Variants in RPSA2 observed in about 807,000 individuals in gnomAD.
RPSA2 encodes the protein small ribosomal subunit protein uS2B.
At chr19:23,779,412 C>G in the RPSA2 span, among the ~76,000 whole-genome samples, 1 of 151,994 alleles carries the variant, frequency 6.6e-6, no homozygotes, top group Non-Finnish European at 1.5e-5. Context: ...GGTGAAGATA[C>G]TGTCTTCTCC....
the RPSA2 span, among the ~76,000 whole-genome samples, chr19:23,775,407 A>T: frequency 6.6e-6 from 1 of 152,196 alleles, no homozygotes; most frequent in Non-Finnish European, 1.5e-5. Context: ...TAACTCTCAT[A>T]TCTGGGCATA....
chr19:23,766,142 C>CTTTTTTTTTTTTTTTTTTTTTT, the RPSA2 span, among the ~76,000 whole-genome samples: 50 of 43,288 alleles, frequency 1.2e-3, 25 homozygotes, highest in African/African-American at 1.1e-3. Flanking sequence ...TATTTCATTT[C>CTTTTTTTTTTTTTTTTTTTTTT]CTTTTTTTTT....
chr19:23,784,601 T>C, the RPSA2 span, among the ~76,000 whole-genome samples: 1 of 152,224 alleles, frequency 6.6e-6, no homozygotes, highest in African/African-American at 2.4e-5. Flanking sequence ...GCCTATTGTA[T>C]GAAGCCCTCA....
chr19:23,766,142 C>CTTTTTTTTTTTT, the RPSA2 span, among the ~76,000 whole-genome samples: 75 of 43,284 alleles, frequency 1.7e-3, 31 homozygotes, highest in African/African-American at 5.1e-3. Context: ...TATTTCATTT[C>CTTTTTTTTTTTT]CTTTTTTTTT....
the RPSA2 span, chr19:23,832,561 A>C: frequency 1.1e-6 from 1 of 928,826 alleles, no homozygotes; most frequent in South Asian, 1.5e-5. Context: ...ACAAATGTCA[A>C]GAATGTGGCA....
the RPSA2 span, among the ~76,000 whole-genome samples, chr19:23,824,693 C>G: frequency 6.8e-6 from 1 of 147,398 alleles, no homozygotes; most frequent in Non-Finnish European, 1.5e-5. Flanking sequence ...GCCATGGTGC[C>G]TGGTCACCAT....
At chr19:23,841,426 T>A in the RPSA2 span, among the ~76,000 whole-genome samples, 1 of 152,152 alleles carries the variant, frequency 6.6e-6, no homozygotes, top group Non-Finnish European at 1.5e-5. Flanking sequence ...ATCACGCCAC[T>A]GCACTCCAGC....
the RPSA2 span, among the ~76,000 whole-genome samples, chr19:23,769,052 G>C: frequency 6.7e-6 from 1 of 149,526 alleles, no homozygotes; most frequent in Non-Finnish European, 1.5e-5. Flanking sequence ...GCATACAGGT[G>C]ATTTGATTCT....
the RPSA2 span, among the ~76,000 whole-genome samples, chr19:23,861,739 AC>A: frequency 2.0e-5 from 3 of 152,122 alleles, no homozygotes; most frequent in Non-Finnish European, 2.9e-5. Flanking sequence ...GGAAGGTCTA[AC>A]TTTTGTGGTC....
the RPSA2 span, chr19:23,832,142 G>T: frequency 2.4e-6 from 1 of 419,358 alleles, no homozygotes. Flanking sequence ...CTTTACAGAT[G>T]TGAAGAATGT....
At chr19:23,809,663 T>G in the RPSA2 span, 1 of 152,236 alleles carries the variant, frequency 6.6e-6, no homozygotes, top group East Asian at 1.9e-4. Flanking sequence ...TTGTTTTAAG[T>G]GTATGGAACC....
the RPSA2 span, among the ~76,000 whole-genome samples, chr19:23,826,890 CA>C: frequency 9.7e-4 from 6 of 6,216 alleles, no homozygotes; most frequent in Non-Finnish European, 0.037. Context: ...CAGGGTTCAC[CA>C]TTGTTGGTCT....
At chr19:23,794,305 TAC>T in the RPSA2 span, among the ~76,000 whole-genome samples, 1 of 152,238 alleles carries the variant, frequency 6.6e-6, no homozygotes, top group Non-Finnish European at 1.5e-5. Flanking sequence ...TGAATTAATG[TAC>T]ACTCTTTAAC....
the RPSA2 span, among the ~76,000 whole-genome samples, chr19:23,861,446 A>G: frequency 1.3e-5 from 2 of 151,982 alleles, no homozygotes; most frequent in African/African-American, 4.8e-5. Context: ...ACCATTTTTC[A>G]CTTCTAGCAT....
At chr19:23,834,889 A>G in the RPSA2 span, among the ~76,000 whole-genome samples, 2 of 152,120 alleles carry the variant, frequency 1.3e-5, no homozygotes, top group Admixed American at 6.5e-5. Context: ...CCTATAGGTT[A>G]TATTTTTATT....
the RPSA2 span, among the ~76,000 whole-genome samples, chr19:23,810,394 C>CAAAA: frequency 3.1e-4 from 4 of 13,048 alleles, no homozygotes; most frequent in African/African-American, 1.2e-3. Flanking sequence ...ACTCCCTCTC[C>CAAAA]AAAAAAAAAA....
chr19:23,794,170 A>G, the RPSA2 span, among the ~76,000 whole-genome samples: 1 of 152,178 alleles, frequency 6.6e-6, no homozygotes, highest in Non-Finnish European at 1.5e-5. Context: ...ACGCTTGTGC[A>G]TGCATCTTTA....
At chr19:23,806,629 C>T in the RPSA2 span, among the ~76,000 whole-genome samples, 2 of 151,170 alleles carry the variant, frequency 1.3e-5, no homozygotes, top group Non-Finnish European at 1.5e-5. Context: ...ACAAAAAATA[C>T]AAAAAATTAG....
chr19:23,827,460 C>T, the RPSA2 span: 10 of 1,562,712 alleles, frequency 6.4e-6, no homozygotes, highest in African/African-American at 2.7e-5. Context: ...ACTCCAATTG[C>T]TGGCCGCTTC....
Sources: gnomAD v4.1 joint callset for allele counts (sites outside exome capture counted in the v4.1 genomes callset) on GRCh38, gnomAD v4.1.1 for gene constraint, MANE v1.5 for transcripts, NCBI Gene and HGNC (gene_info 2026-07-23, HGNC 2026-07-21) for gene names.